TMPRSS7: variants seen among roughly 807,000 people sequenced by gnomAD.
The protein encoded by TMPRSS7 is transmembrane protease serine 7.
A neutral mutation model predicts 95.6 loss-of-function variants in TMPRSS7; 81 were observed. That is an observed-to-expected ratio of 0.85 (90% CI 0.71 to 1.02). The LOEUF is 1.02. TMPRSS7 is among the 50% of genes least tolerant of loss of function. TMPRSS7 has a pLI of 0.00. For synonymous variants in TMPRSS7, 364 were observed against 337.8 expected (o/e 1.08, Z -0.85); for missense variants, 945 against 955.2 (o/e 0.99, Z 0.14).
At chr3:112,049,147 A>G (rs566351786) in intron 7 of TMPRSS7, among the ~76,000 whole-genome samples, 2 of 152,180 alleles carry the variant, frequency 1.3e-5, no homozygotes, top group East Asian at 3.9e-4. Context: ...TACCGCACCA[A>G]TTCACCTCAG....
intron 7 of TMPRSS7, 132 bp downstream of exon 7, chr3:112,048,099 G>T (rs572837794): frequency 1.3e-6 from 1 of 742,090 alleles, no homozygotes; most frequent in African/African-American, 1.8e-5. Flanking sequence ...TGGCTGACCC[G>T]TGCCCTATTT....
At chr3:112,036,776 G>A (rs1411923387) in intron 1 of TMPRSS7, among the ~76,000 whole-genome samples, 4 of 152,200 alleles carry the variant, frequency 2.6e-5, no homozygotes, top group African/African-American at 9.7e-5. Context: ...CCTGAATGGA[G>A]GGAATTGCTG....
At chr3:112,067,549 G>T (rs2073592241) in intron 13 of TMPRSS7, among the ~76,000 whole-genome samples, 1 of 152,194 alleles carries the variant, frequency 6.6e-6, no homozygotes, top group Admixed American at 6.5e-5. Context: ...GTATCTCATT[G>T]TGGTTTTGAT....
intron 13 of TMPRSS7, among the ~76,000 whole-genome samples, chr3:112,073,257 A>ATT (rs111427686): frequency 2.9e-4 from 44 of 150,770 alleles, no homozygotes; most frequent in African/African-American, 1.0e-3. Flanking sequence ...ATGCCCAGCT[A>ATT]TTTTTTTTGT....
At chr3:112,046,059 A>C in intron 5 of TMPRSS7, 116 bp downstream of exon 5, 1 of 915,176 alleles carries the variant, frequency 1.1e-6, no homozygotes, top group Non-Finnish European at 1.6e-6. Flanking sequence ...CCACAATCCC[A>C]GTGGCGCAGG....
chr3:112,040,471 G>A lies in TMPRSS7; in HGVS notation c.299-1449G>A, dbSNP rs543084340. 2.6e-5 allele frequency among the ~76,000 whole-genome samples: 4 copies of A among 152,306 alleles called. No individual in the cohort carries two copies. In the East Asian group the frequency reaches 7.7e-4, roughly 29 times the overall value. ...GATACATCTTGAGACTGTTCATTAT[G>A]TGTTGGGTCCTGGGGTAGGCATGGG... On this transcript the variant is annotated intron_variant, in intron 2 of 17. Coordinates refer to ENST00000452346, the Ensembl canonical transcript of TMPRSS7.
intron 10 of TMPRSS7, among the ~76,000 whole-genome samples, chr3:112,059,487 C>T (rs1246529232): frequency 6.6e-6 from 1 of 152,190 alleles, no homozygotes; most frequent in Non-Finnish European, 1.5e-5. Flanking sequence ...CCTAGCAAGG[C>T]TCATCTTTGC....
intron 9 of TMPRSS7, among the ~76,000 whole-genome samples, chr3:112,053,460 G>A (rs925221137): frequency 4.6e-5 from 7 of 152,122 alleles, no homozygotes; most frequent in African/African-American, 1.2e-4. Context: ...TGTCTGCCAC[G>A]TGCCAGGCTC....
At chr3:112,075,121 G>A (rs2073695696) in intron 14 of TMPRSS7, among the ~76,000 whole-genome samples, 200 bp from the exon 15 acceptor site, 1 of 152,190 alleles carries the variant, frequency 6.6e-6, no homozygotes, top group Non-Finnish European at 1.5e-5. Flanking sequence ...TATAGAGACT[G>A]TGTCAGGGCA....
intron 6 of TMPRSS7, chr3:112,047,427 C>T (rs1244738289): frequency 8.8e-6 from 5 of 571,192 alleles, no homozygotes; most frequent in African/African-American, 5.5e-5. Context: ...GGCTGACTCT[C>T]ATTGTCTGGA....
intron 14 of TMPRSS7, 132 bp from the exon 15 acceptor site, chr3:112,075,189 C>A (rs878990710): frequency 2.4e-6 from 2 of 845,798 alleles, no homozygotes; most frequent in South Asian, 3.4e-5. Context: ...CTCACATGTT[C>A]TCTGTCCTCT....
chr3:112,050,852 A>AT, intron 9 of TMPRSS7, 69 bp downstream of exon 9: 1 of 752,420 alleles, frequency 1.3e-6, no homozygotes, highest in Non-Finnish European at 2.2e-6. Flanking sequence ...AATTTCATTC[A>AT]TTTTTTAATT....
chr3:112,067,993 G>T (rs2073597145), intron 13 of TMPRSS7, among the ~76,000 whole-genome samples: 1 of 152,170 alleles, frequency 6.6e-6, no homozygotes, highest in East Asian at 1.9e-4. Context: ...AATCCATCTG[G>T]AATTAATTTT....
At chr3:112,038,439 G>T (rs1031187927) in intron 2 of TMPRSS7, 118 bp downstream of exon 2, 1 of 604,366 alleles carries the variant, frequency 1.7e-6, no homozygotes, top group African/African-American at 1.9e-5. Context: ...TTCCAATATG[G>T]ATACACCATT....
chr3:112,065,431 T>G (rs2073564341), intron 12 of TMPRSS7, among the ~76,000 whole-genome samples: 1 of 152,254 alleles, frequency 6.6e-6, no homozygotes, highest in South Asian at 2.1e-4. Context: ...GTATTCTATT[T>G]CTTAAGAAAA....
chr3:112,077,527 T>C (rs970184109), intron 16 of TMPRSS7, among the ~76,000 whole-genome samples: 1 of 152,226 alleles, frequency 6.6e-6, no homozygotes, highest in Non-Finnish European at 1.5e-5. Flanking sequence ...CACATCCCAC[T>C]ATGTCAACTC....
intron 1 of TMPRSS7, among the ~76,000 whole-genome samples, chr3:112,035,826 T>C (rs1209902653): frequency 1.3e-5 from 2 of 152,246 alleles, no homozygotes; most frequent in African/African-American, 4.8e-5. Context: ...TATTTTTTAC[T>C]CTTGCACATA....
chr3:112,078,611 T>C, intron 16 of TMPRSS7, 131 bp from the exon 17 acceptor site: 2 of 1,208,888 alleles, frequency 1.7e-6, no homozygotes, highest in South Asian at 1.5e-5. Flanking sequence ...AGGATAATAG[T>C]AGAATTTACC....
chr3:112,042,789 T>C (rs2073225839), intron 3 of TMPRSS7, among the ~76,000 whole-genome samples: 1 of 152,246 alleles, frequency 6.6e-6, no homozygotes, highest in Non-Finnish European at 1.5e-5. Flanking sequence ...GCCACATTCT[T>C]TGTGAGTATC....
Sources: allele counts gnomAD v4.1 joint callset (sites outside exome capture counted in the v4.1 genomes callset), GRCh38; gene constraint gnomAD v4.1.1; transcripts MANE v1.5; gene names NCBI Gene and HGNC (gene_info 2026-07-23, HGNC 2026-07-21).